The following NRXN3 variants were observed in gnomAD, a reference collection of about 807,000 sequenced individuals.
The protein encoded by NRXN3 is neurexin III.
In NRXN3, 32 loss-of-function variants were observed where a neutral mutation model predicts 137.6. The observed-to-expected ratio is 0.23, with a 90% CI of 0.18 to 0.31. NRXN3 has a LOEUF of 0.31. NRXN3 is among the 10% of genes least tolerant of loss of function. The pLI, the probability that NRXN3 is intolerant of heterozygous loss-of-function variation, is 1.00. For synonymous variants in NRXN3, 798 were observed against 784.5 expected (o/e 1.02, Z -0.29); for missense variants, 1,574 against 2,062.5 (o/e 0.76, Z 4.59).
rs372067989 is a variant in NRXN3 at position 79,559,520 on chromosome 14, A to G, written c.3444+92118A>G. Among the ~76,000 whole-genome samples, 14 of 152,256 alleles carry G rather than the reference A, an allele frequency of 9.2e-5. No homozygotes were observed. In the South Asian group the frequency reaches 1.2e-3, roughly 14 times the overall value. On this transcript the variant is annotated intron_variant, in intron 16 of 20. Coordinates refer to ENST00000335750, the MANE Select transcript of NRXN3 (RefSeq NM_001330195.2). Reference sequence around the variant, plus strand: ...TGGGCAAGGTGTGTGGCACCCCAAAACAGTTACAATAGTAACCTCAAAGAT... The same window carrying G: ...TGGGCAAGGTGTGTGGCACCCCAAAGCAGTTACAATAGTAACCTCAAAGAT...
intron 15 of NRXN3, among the ~76,000 whole-genome samples, chr14:79,304,729 A>G (rs952990494): frequency 6.6e-6 from 1 of 152,072 alleles, no homozygotes; most frequent in Admixed American, 6.6e-5. Flanking sequence ...GATGTTTGCA[A>G]TTCAAGCAAG....
At chr14:79,852,189 A>G (rs932645216) in intron 20 of NRXN3, among the ~76,000 whole-genome samples, 1 of 149,318 alleles carries the variant, frequency 6.7e-6, no homozygotes, top group Non-Finnish European at 1.5e-5. Context: ...ACCCATATGT[A>G]TTTTGATTCC....
chr14:79,360,432 T>G (rs1007338972), intron 15 of NRXN3, among the ~76,000 whole-genome samples: 1 of 152,230 alleles, frequency 6.6e-6, no homozygotes, highest in Non-Finnish European at 1.5e-5. Flanking sequence ...AGCATTGCTC[T>G]TTTTCTTATC....
intron 16 of NRXN3, among the ~76,000 whole-genome samples, chr14:79,654,170 A>C (rs960946079): frequency 2.0e-5 from 3 of 152,168 alleles, no homozygotes; most frequent in African/African-American, 7.2e-5. Context: ...GGCTACCTAG[A>C]GAACTTTCTT....
chr14:78,184,240 A>G (rs2060045384), intron 1 of NRXN3, among the ~76,000 whole-genome samples: 1 of 152,256 alleles, frequency 6.6e-6, no homozygotes, highest in Non-Finnish European at 1.5e-5. Flanking sequence ...TCATTTAACA[A>G]GTACTAATTG....
At chr14:79,436,416 C>T (rs1460722134) in intron 15 of NRXN3, among the ~76,000 whole-genome samples, 4 of 152,200 alleles carry the variant, frequency 2.6e-5, no homozygotes, top group African/African-American at 9.7e-5. Context: ...AATAGAGCTA[C>T]AGCTTTGCTG....
intron 4 of NRXN3, among the ~76,000 whole-genome samples, chr14:78,601,939 A>C (rs932667516): frequency 6.6e-6 from 1 of 152,172 alleles, no homozygotes; most frequent in African/African-American, 2.4e-5. Flanking sequence ...TAAATATTTT[A>C]CCTTGGAAAG....
intron 4 of NRXN3, among the ~76,000 whole-genome samples, chr14:78,398,616 T>TA (rs1294069689): frequency 1.3e-5 from 2 of 152,178 alleles, no homozygotes; most frequent in Non-Finnish European, 2.9e-5. Flanking sequence ...AATGCCTTGT[T>TA]ACTATTCCCC....
chr14:79,823,830 G>C (rs2099280172), intron 20 of NRXN3: 5 of 368,034 alleles, frequency 1.4e-5, no homozygotes, highest in African/African-American at 4.1e-5. Context: ...CAAAGATGAT[G>C]ATGATGATGA....
chr14:79,543,367 C>T (rs1394995894), intron 16 of NRXN3, among the ~76,000 whole-genome samples: 3 of 152,192 alleles, frequency 2.0e-5, no homozygotes, highest in African/African-American at 2.4e-5. Flanking sequence ...ATTGGAAACA[C>T]AGCCAAGGGT....
intron 20 of NRXN3, among the ~76,000 whole-genome samples, chr14:79,840,544 T>C (rs772323603): frequency 2.1e-4 from 32 of 152,134 alleles, no homozygotes; most frequent in Non-Finnish European, 4.4e-4. Flanking sequence ...CAGTGAGAAC[T>C]GAATATTTTA....
At chr14:79,814,584 A>C (rs1341521013) in intron 20 of NRXN3, among the ~76,000 whole-genome samples, 2 of 152,240 alleles carry the variant, frequency 1.3e-5, no homozygotes, top group African/African-American at 4.8e-5. Context: ...GACAATAAGA[A>C]ACCCTTGTTG....
At position 79,748,562 on chromosome 14, in the gene NRXN3, G is replaced by T. The variant is rs188056566; in HGVS notation, c.4014+50625G>T. 1.4e-3 allele frequency among the ~76,000 whole-genome samples: 212 copies of T among 152,128 alleles called. 1 individual carries two copies. The highest frequency in any genetic ancestry group is 4.9e-3 in the African/African-American group (202 of 41,536). Reference sequence around the variant, plus strand: ...CTGACAACCCCTTGAAGAGTTGCTTGCCTCCTGCACAGTGCTGAGTTATGG... The same window carrying T: ...CTGACAACCCCTTGAAGAGTTGCTTTCCTCCTGCACAGTGCTGAGTTATGG... On this transcript the variant is annotated intron_variant, in intron 19 of 20. Transcript: ENST00000335750.
chr14:78,228,895 T>C (rs2065024773), intron 1 of NRXN3, among the ~76,000 whole-genome samples: 1 of 152,148 alleles, frequency 6.6e-6, no homozygotes, highest in Non-Finnish European at 1.5e-5. Context: ...CCCAAATGAG[T>C]ATTTACTGAT....
Position 78,457,625 on chromosome 14 carries a change from T to A in NRXN3, c.757+159765T>A, listed in dbSNP as rs1464195047. 2.0e-5 allele frequency among the ~76,000 whole-genome samples: 3 copies of A among 152,290 alleles called. No individual in the cohort carries two copies. In the East Asian group the frequency reaches 5.8e-4, roughly 29 times the overall value. ...GAATTAGGATTGTTAAGTCAGAAAC[T>A]GTGAAGGGTCTGAGACTGCAGCCTA... On this transcript the variant is annotated intron_variant, in intron 4 of 20. Coordinates refer to ENST00000335750, the MANE Select transcript of NRXN3 (RefSeq NM_001330195.2).
intron 1 of NRXN3, among the ~76,000 whole-genome samples, chr14:78,215,877 A>G (rs1053370799): frequency 6.6e-6 from 1 of 152,058 alleles, no homozygotes; most frequent in Non-Finnish European, 1.5e-5. Flanking sequence ...TTCCTTCTTA[A>G]GGGCATCCCT....
At position 78,867,851 on chromosome 14, in the gene NRXN3, G is replaced by A. The variant is rs199952961; in HGVS notation, c.2275+57507G>A. Among the ~76,000 whole-genome samples the A allele has an allele frequency of 2.5e-4, 38 of 151,314 alleles. No individual in the cohort carries two copies. The East Asian group carries it at 5.5e-3, about 22-fold the overall frequency. ...AATACCCAGATTTCCCTGTGTCTTCGGGCCTTCATTTCTGAAGGCTCCTGT... is the reference window on the plus strand; with the variant it reads ...AATACCCAGATTTCCCTGTGTCTTCAGGCCTTCATTTCTGAAGGCTCCTGT... On this transcript the variant is annotated intron_variant, in intron 10 of 20. Coordinates refer to ENST00000335750, the MANE Select transcript of NRXN3 (RefSeq NM_001330195.2).
At chr14:78,901,000 C>T (rs917720838) in intron 10 of NRXN3, among the ~76,000 whole-genome samples, 1 of 152,026 alleles carries the variant, frequency 6.6e-6, no homozygotes, top group Non-Finnish European at 1.5e-5. Context: ...TCAGTCTGGT[C>T]ACATCAAAAG....
chr14:79,735,703 C>T (rs1394961980), intron 19 of NRXN3, among the ~76,000 whole-genome samples: 2 of 152,096 alleles, frequency 1.3e-5, no homozygotes, highest in Non-Finnish European at 2.9e-5. Flanking sequence ...AGACATTTCC[C>T]ATGTGAGGAT....
Sources: gnomAD v4.1 joint callset for allele counts (sites outside exome capture counted in the v4.1 genomes callset) on GRCh38, gnomAD v4.1.1 for gene constraint, MANE v1.5 for transcripts, NCBI Gene and HGNC (gene_info 2026-07-23, HGNC 2026-07-21) for gene names.